Variants in EN1 observed in about 807,000 individuals in gnomAD.
EN1 encodes the protein engrailed homeobox 1.
Under a neutral mutation model 22.9 loss-of-function variants are expected in EN1, and 8 were observed. The ratio of observed to expected loss-of-function variants is 0.35; its 90% CI spans 0.20 to 0.63. The LOEUF (loss-of-function observed/expected upper bound fraction) is 0.63. Ranked by LOEUF, EN1 falls within the 20% of genes least tolerant of loss-of-function variation. The pLI is 0.73. For missense variants in EN1, 521 were observed against 572.1 expected, an observed-to-expected ratio of 0.91 and a Z score of 0.91; for synonymous variants, 287 against 262.5, an observed-to-expected ratio of 1.09 and a Z score of -0.90.
At position 118,846,752 on chromosome 2, in the gene EN1, C is replaced by G. The variant is rs1179028412; in HGVS notation, c.416G>C (p.Gly139Ala). 5.6e-6 allele frequency: 9 copies of G among 1,594,502 alleles called. No homozygotes were observed. Among genetic ancestry groups the G allele is most frequent in the Admixed American group, 1.7e-5 (1 of 59,256 alleles). The part of the protein sequence containing the change: ...AAAARGGAGG[G>A]GRVERDRGQT... ...GCCTCTGTCACGCTCGACCCGGCCT[C>G]CTCCTCCTGCGCCTCCTCTGGCCGC... Residue 139 changes from glycine to alanine, a missense_variant, in exon 1 of 2, where the codon GGA becomes GCA. Coordinates refer to ENST00000295206, the MANE Select transcript of EN1 (RefSeq NM_001426.4). The surrounding 1 kb of genome is among the most constrained non-coding windows in gnomAD (Gnocchi z 5.0).
rs1210731073 is a variant in EN1, at chr2:118,847,638, C to T, written c.-471G>A. On this transcript the variant is annotated 5_prime_UTR_variant, in exon 1 of 2. Coordinates refer to ENST00000295206, the MANE Select transcript of EN1 (RefSeq NM_001426.4). Reference sequence around the variant, plus strand: ...GTTTGACTTCCCCGAGTGTCACGCTCAGCTGTGCCCAGAGCGTGAGGCTGG... The same window carrying T: ...GTTTGACTTCCCCGAGTGTCACGCTTAGCTGTGCCCAGAGCGTGAGGCTGG... The T allele has an allele frequency of 6.6e-6, 1 of 151,488 alleles. No homozygotes were observed. The highest frequency in any genetic ancestry group is 2.4e-5 in the African/African-American group (1 of 41,220). The allele number at this position is 151,488 out of a possible 1,614,324, so 9.4% of individuals were successfully genotyped here. A position where few individuals can be genotyped will look rare whatever the true frequency, so the allele number is the denominator to read the frequency against.
rs1049990448 is a variant in EN1 at position 118,842,341 on chromosome 2, G to A, written c.*597C>T. On this transcript the variant is annotated 3_prime_UTR_variant, in exon 2 of 2. Coordinates refer to ENST00000295206, the MANE Select transcript of EN1 (RefSeq NM_001426.4). ...CAGACCGACAGAAGGGACCCGGGAGGTGGGGGAGAAGAGGTGGGCAGACAC... is the reference window on the plus strand; with the variant it reads ...CAGACCGACAGAAGGGACCCGGGAGATGGGGGAGAAGAGGTGGGCAGACAC... The A allele has an allele frequency of 6.6e-6, 1 of 152,592 alleles. No homozygotes were observed. Among genetic ancestry groups the A allele is most frequent in the Non-Finnish European group, 1.5e-5 (1 of 68,066 alleles). 9.5% of individuals were successfully genotyped at this position (152,592 alleles called of 1,614,324 possible).
At position 118,846,202 on chromosome 2, in the gene EN1, G is replaced by A. The variant is rs981002688; in HGVS notation, c.862+104C>T. The A allele has an allele frequency of 2.7e-6, 4 of 1,493,420 alleles. No homozygotes were observed. The highest frequency in any genetic ancestry group is 2.7e-6 in the Non-Finnish European group (3 of 1,115,976). The allele number at this position is 1,493,420 out of a possible 1,614,324, so 92.5% of individuals were successfully genotyped here. A position where few individuals can be genotyped will look rare whatever the true frequency, so the allele number is the denominator to read the frequency against. On this transcript the variant is annotated intron_variant, in intron 1 of 1. Coordinates refer to ENST00000295206, the MANE Select transcript of EN1 (RefSeq NM_001426.4). The surrounding 1 kb of genome is among the most constrained non-coding windows in gnomAD (Gnocchi z 5.0). ...GGTGAGGAAGCAGGCGTGAGAGACT[G>A]GAGTACCCGAGGCCGGGTTTGCTCT...
At position 118,846,388 on chromosome 2, in the gene EN1, G is replaced by C. The variant is rs955078846; in HGVS notation, c.780C>G (p.Pro260=). The change falls in exon 1 of 2, where the codon CCC becomes CCG. Residue 260 remains proline, a synonymous_variant. Transcript: ENST00000295206. This position sits in a 1 kb window ranked among gnomAD's most constrained non-coding sequence, Gnocchi z 5.0. ...ILLMGSANGG[P]VVKTDSQQPL... ...GCTGCTGCGAGTCAGTTTTGACCAC[G>C]GGCCCGCCGTTGGCTGAGCCCATAA... The C allele has an allele frequency of 1.1e-5, 17 of 1,612,286 alleles. No homozygotes were observed. The Admixed American group carries it at 1.8e-4, about 17-fold the overall frequency.
rs1330762975 is a variant in EN1, at chr2:118,842,315, A to G, written c.*623T>C. ...GGAAAACGAAAGGGGGGCAGAACAGACAGACCGACAGAAGGGACCCGGGAG... is the reference window on the plus strand; with the variant it reads ...GGAAAACGAAAGGGGGGCAGAACAGGCAGACCGACAGAAGGGACCCGGGAG... On this transcript the variant is annotated 3_prime_UTR_variant, in exon 2 of 2. Coordinates refer to ENST00000295206, the MANE Select transcript of EN1 (RefSeq NM_001426.4). 2.0e-5 allele frequency: 3 copies of G among 152,646 alleles called. No homozygotes were observed. The highest frequency in any genetic ancestry group is 2.1e-4 in the South Asian group (1 of 4,824). The allele number at this position is 152,646 out of a possible 1,614,324, so 9.5% of individuals were successfully genotyped here. A position where few individuals can be genotyped will look rare whatever the true frequency, so the allele number is the denominator to read the frequency against.
intron 1 of EN1, among the ~76,000 whole-genome samples, chr2:118,845,420 GA>G (rs1558800934): frequency 6.6e-6 from 1 of 152,222 alleles, no homozygotes; most frequent in South Asian, 2.1e-4. Context: ...CGCCAAGCGC[GA>G]GGGGCACACG....
chr2:118,847,037 TCGCTGC>T lies in EN1; in HGVS notation c.125_130del (p.Gly42_Ser43del), dbSNP rs1198403595. On this transcript the variant is annotated inframe_deletion, in exon 1 of 2. Transcript: ENST00000295206. ...CGGGGACACCGGCACGCTGTCTCCA[TCGCTGC>T]CGCTGCCGCTGCTGCCGCTGGCGCC... is the stretch of plus-strand genomic sequence containing the variant. 15 of 1,413,146 alleles carry T rather than the reference TCGCTGC, an allele frequency of 1.1e-5. No homozygotes were observed. In the East Asian group the frequency reaches 1.9e-4, roughly 18 times the overall value. The allele number at this position is 1,413,146 out of a possible 1,614,324, so 87.5% of individuals were successfully genotyped here. A position where few individuals can be genotyped will look rare whatever the true frequency, so the allele number is the denominator to read the frequency against.
rs912738751 is a variant in EN1 at position 118,842,890 on chromosome 2, G to T, written c.*48C>A. ...CCCCAGCGAGGGGCCGGGAGACGAC[G>T]GCGGCGGTGCCGGGAGGGGGCGCGG... On this transcript the variant is annotated 3_prime_UTR_variant, in exon 2 of 2. Transcript: ENST00000295206. 2.6e-6 allele frequency: 4 copies of T among 1,563,236 alleles called. No homozygotes were observed. The highest frequency in any genetic ancestry group is 2.6e-6 in the Non-Finnish European group (3 of 1,152,468).
rs1678262850 is a variant in EN1 at position 118,846,033 on chromosome 2, CAAAG to C, written c.862+269_862+272del. Reference sequence around the variant, plus strand: ...TCCTAAGAATAATAAAGATAAGAGACAAAGAAGGCCCCAGGGATTCAGAGTTCAA... The same window carrying C: ...TCCTAAGAATAATAAAGATAAGAGACAAGGCCCCAGGGATTCAGAGTTCAA... On this transcript the variant is annotated intron_variant, in intron 1 of 1. Transcript: ENST00000295206. This position sits in a 1 kb window ranked among gnomAD's most constrained non-coding sequence, Gnocchi z 5.0. Among the ~76,000 whole-genome samples, 5 of 152,038 alleles carry C rather than the reference CAAAG, an allele frequency of 3.3e-5. No individual in the cohort carries two copies. The highest frequency in any genetic ancestry group is 2.6e-4 in the Admixed American group (4 of 15,254).
chr2:118,844,857 A>C (rs1223585840), intron 1 of EN1, among the ~76,000 whole-genome samples: 1 of 152,256 alleles, frequency 6.6e-6, no homozygotes, highest in African/African-American at 2.4e-5. Flanking sequence ...GAAAGTGGCC[A>C]AGAACAAAGC....
rs757246228 is a variant in EN1, at chr2:118,843,266, G to A, written c.863-12C>T. On this transcript the variant is annotated splice_polypyrimidine_tract_variant and intron_variant, in intron 1 of 1. Coordinates refer to ENST00000295206, the MANE Select transcript of EN1 (RefSeq NM_001426.4). ...CCTGGTGCGCGGACCTGCAGCGGCG[G>A]AGAGGGCCGGGGTGGGGTGGGGGTG... is the stretch of plus-strand genomic sequence containing the variant. 9.1e-7 allele frequency: 1 copy of A among 1,097,286 alleles called. No individual in the cohort carries two copies. Among genetic ancestry groups the A allele is most frequent in the Admixed American group, 2.2e-5 (1 of 44,722 alleles). The allele number at this position is 1,097,286 out of a possible 1,614,324, so 68.0% of individuals were successfully genotyped here.
At chr2:118,845,042 G>A (rs540062337) in intron 1 of EN1, among the ~76,000 whole-genome samples, 1 of 152,328 alleles carries the variant, frequency 6.6e-6, no homozygotes, top group African/African-American at 2.4e-5. Context: ...TAATAAAATC[G>A]TTCCTAGTCT....
At chr2:118,845,460 A>T (rs1179805776) in intron 1 of EN1, among the ~76,000 whole-genome samples, 1 of 152,196 alleles carries the variant, frequency 6.6e-6, no homozygotes, top group Non-Finnish European at 1.5e-5. Context: ...AGCCGAGAAA[A>T]ACAGGCCTAC....
rs778069643 is a variant in EN1 at position 118,843,089 on chromosome 2, T to C, written c.1028A>G (p.Asn343Ser). 1.2e-6 allele frequency: 2 copies of C among 1,614,122 alleles called. No homozygotes were observed. Among genetic ancestry groups the C allele is most frequent in the Non-Finnish European group, 1.7e-6 (2 of 1,180,014 alleles). The change falls in exon 2 of 2, where the codon AAC (asparagine) becomes AGC (serine). Residue 343 changes from asparagine to serine, a missense_variant. By Grantham distance (46) the Asn-to-Ser change is conservative. Transcript: ENST00000295206. ...GAACCAGATCTTGATCTGGGACTCG[T>C]TGAGGCTGAGTTCCTGGGCCAGGGT... ...RQTLAQELSLNESQIKIWFQN... is the reference protein window; with the variant it reads ...RQTLAQELSLSESQIKIWFQN...
At position 118,846,890 on chromosome 2, in the gene EN1, G is replaced by T. The variant is rs763567141; in HGVS notation, c.278C>A (p.Pro93Gln). 4.5e-6 allele frequency: 7 copies of T among 1,571,702 alleles called. No homozygotes were observed. The highest frequency in any genetic ancestry group is 1.1e-5 in the South Asian group (1 of 87,940). The change falls in exon 1 of 2, where the codon CCG becomes CAG. Residue 93 changes from proline (P) to glutamine (Q), a missense_variant. Pro to Gln is a moderately conservative substitution (Grantham distance 76, BLOSUM62 -1). This residue lies in a region of EN1 where 436 missense variants were observed against 410.1 expected (regional missense o/e 1.06). Coordinates refer to ENST00000295206, the MANE Select transcript of EN1 (RefSeq NM_001426.4). The surrounding 1 kb of genome is among the most constrained non-coding windows in gnomAD (Gnocchi z 5.0). ...PQHLAAPAHQ[P>Q]QPAAQLHRTT... is the part of the protein sequence containing the mutation. ...GCGGTGCAGCTGGGCCGCTGGCTGC[G>T]GCTGGTGAGCAGGCGCCGCGAGATG... is the stretch of plus-strand genomic sequence containing the variant.
intron 1 of EN1, 126 bp from the exon 2 acceptor site, chr2:118,843,380 G>A: frequency 1.2e-6 from 1 of 845,454 alleles, no homozygotes; most frequent in Non-Finnish European, 1.8e-6. Flanking sequence ...CGCGCTTCCG[G>A]GGCGATCTCG....
chr2:118,842,813 T>A lies in EN1; in HGVS notation c.*125A>T. 7.1e-7 allele frequency: 1 copy of A among 1,407,780 alleles called. No homozygotes were observed. The highest frequency in any genetic ancestry group is 1.5e-5 in the South Asian group (1 of 65,820). 87.2% of individuals were successfully genotyped at this position (1,407,780 alleles called of 1,614,324 possible). ...TCCATTCTGAGGCTCTCTTTCTGTC[T>A]CTCTCGCTCTTTTCCCTGCGCTCCC... On this transcript the variant is annotated 3_prime_UTR_variant, in exon 2 of 2. Transcript: ENST00000295206.
In EN1 at chr2:118,842,781, G is replaced by C; in HGVS notation, c.*157C>G. 7.8e-7 allele frequency: 1 copy of C among 1,274,322 alleles called. No individual in the cohort carries two copies. Among genetic ancestry groups the C allele is most frequent in the South Asian group, 1.6e-5 (1 of 61,048 alleles). The allele number at this position is 1,274,322 out of a possible 1,614,324, so 78.9% of individuals were successfully genotyped here. A position where few individuals can be genotyped will look rare whatever the true frequency, so the allele number is the denominator to read the frequency against. Reference sequence around the variant, plus strand: ...CTTTTCAAAAATGCTGCGTTTCAACGTCATTGTCCATTCTGAGGCTCTCTT... The same window carrying C: ...CTTTTCAAAAATGCTGCGTTTCAACCTCATTGTCCATTCTGAGGCTCTCTT... On this transcript the variant is annotated 3_prime_UTR_variant, in exon 2 of 2. Coordinates refer to ENST00000295206, the MANE Select transcript of EN1 (RefSeq NM_001426.4).
In EN1 at chr2:118,846,320, T is replaced by A. The variant is rs1678267115; in HGVS notation, c.848A>T (p.Asp283Val). Residue 283 changes from aspartate (D) to valine (V), a missense_variant, in exon 1 of 2, where the codon GAT becomes GTT. By Grantham distance (152) the Asp-to-Val change is radical. Coordinates refer to ENST00000295206, the MANE Select transcript of EN1 (RefSeq NM_001426.4). The surrounding 1 kb of genome is among the most constrained non-coding windows in gnomAD (Gnocchi z 5.0). ...TGGGTACTCACCGGAGGATGGACGA[T>A]CCGAATAACGTGTGCAGTACACCCA... ...PAWVYCTRYS[D>V]RPSSGPRTRK... 1.9e-6 allele frequency: 3 copies of A among 1,612,244 alleles called. No individual in the cohort carries two copies. The highest frequency in any genetic ancestry group is 2.5e-6 in the Non-Finnish European group (3 of 1,179,424).
Sources: gnomAD v4.1 joint callset for allele counts (sites outside exome capture counted in the v4.1 genomes callset) on GRCh38, gnomAD v4.1.1 for gene constraint, gnomAD v4.1.1 regional missense constraint, Gnocchi (gnomAD v3.1) non-coding constraint, MANE v1.5 for transcripts, NCBI Gene and HGNC (gene_info 2026-07-23, HGNC 2026-07-21) for gene names.